The following SLAMF6 variants were observed in gnomAD, a reference collection of about 807,000 sequenced individuals.
SLAMF6 encodes the protein NK-T-B-antigen.
SLAMF6 carries 21 observed loss-of-function variants against 38.3 expected under a neutral mutation model. The observed-to-expected ratio is 0.55, with a 90% CI of 0.39 to 0.79. The LOEUF is 0.79. Ranked by LOEUF, SLAMF6 falls within the 30% of genes least tolerant of loss-of-function variation. SLAMF6 has a pLI of 0.00. For synonymous variants in SLAMF6, 152 were observed against 146.3 expected, an observed-to-expected ratio of 1.04 and a Z score of -0.28; for missense variants, 341 against 385.3, an observed-to-expected ratio of 0.89 and a Z score of 0.96.
intron 1 of SLAMF6, among the ~76,000 whole-genome samples, chr1:160,509,438 G>A (rs566057772): frequency 4.6e-5 from 7 of 152,224 alleles, no homozygotes; most frequent in African/African-American, 1.4e-4. Context: ...CTCATTCATA[G>A]GTGGGAATTG....
intron 1 of SLAMF6, among the ~76,000 whole-genome samples, chr1:160,503,348 C>G (rs973237820): frequency 1.3e-5 from 2 of 151,996 alleles, no homozygotes; most frequent in African/African-American, 2.4e-5. Flanking sequence ...TTGACACGCA[C>G]CATTCATGGA....
intron 5 of SLAMF6, among the ~76,000 whole-genome samples, chr1:160,489,581 G>A (rs1318237833): frequency 6.6e-6 from 1 of 152,142 alleles, no homozygotes; most frequent in Non-Finnish European, 1.5e-5. Flanking sequence ...TGATTATTTT[G>A]GAGATGAGGA....
rs181732370 is a variant in SLAMF6 at position 160,486,902 on chromosome 1, G to C, written c.952-148C>G. ...AGGGCAGGATTAAATTTAAAAACAT[G>C]TAATTGAAAACTCAGTTATGCATGG... is the stretch of plus-strand genomic sequence containing the variant. On this transcript the variant is annotated intron_variant, in intron 7 of 7. Coordinates refer to ENST00000368057, the MANE Select transcript of SLAMF6 (RefSeq NM_001184714.2). 2.4e-4 allele frequency: 250 copies of C among 1,028,898 alleles called. 1 individual carries two copies. The African/African-American group carries it at 3.7e-3, about 15-fold the overall frequency. 63.7% of individuals were successfully genotyped at this position (1,028,898 alleles called of 1,614,324 possible).
At chr1:160,513,312 A>T (rs1275796179) in intron 1 of SLAMF6, among the ~76,000 whole-genome samples, 1 of 152,236 alleles carries the variant, frequency 6.6e-6, no homozygotes, top group Non-Finnish European at 1.5e-5. Context: ...ACAAGATTAG[A>T]GAAAAAGGAA....
At chr1:160,501,698 CT>C (rs11324483) in intron 1 of SLAMF6, among the ~76,000 whole-genome samples, 11,446 of 138,434 alleles carry the variant, frequency 0.083, 1,204 homozygotes, top group African/African-American at 0.27. Context: ...TAATGCCTTG[CT>C]TTTTTTTTTT....
chr1:160,486,437 G>A lies in SLAMF6; in HGVS notation c.*270C>T, dbSNP rs1652966384. 2 of 402,226 alleles carry A rather than the reference G, an allele frequency of 5.0e-6. No homozygotes were observed. The highest frequency in any genetic ancestry group is 4.0e-5 in the Admixed American group (1 of 24,786). 24.9% of individuals were successfully genotyped at this position (402,226 alleles called of 1,614,324 possible). A position where few individuals can be genotyped will look rare whatever the true frequency, so the allele number is the denominator to read the frequency against. On this transcript the variant is annotated 3_prime_UTR_variant, in exon 8 of 8. Transcript: ENST00000368057. ...CATTTGCTTAGTTATCAAAGAGAGA[G>A]TCAATGTGCTGGTGTGTTATCTTTA... is the stretch of plus-strand genomic sequence containing the variant.
intron 1 of SLAMF6, among the ~76,000 whole-genome samples, chr1:160,519,645 C>T (rs994274734): frequency 6.6e-6 from 1 of 152,112 alleles, no homozygotes; most frequent in Non-Finnish European, 1.5e-5. Flanking sequence ...CATGGTTCAG[C>T]ATAGGTGAAC....
chr1:160,486,910 A>T, intron 7 of SLAMF6, 156 bp from the exon 8 acceptor site: 1 of 465,232 alleles, frequency 2.1e-6, no homozygotes, highest in South Asian at 9.3e-5. Context: ...ATGTAATTGA[A>T]AACTCAGTTA....
intron 4 of SLAMF6, 73 bp downstream of exon 4, chr1:160,490,502 G>A (rs1653227254): frequency 5.7e-6 from 9 of 1,565,286 alleles, no homozygotes; most frequent in Non-Finnish European, 7.8e-6. Flanking sequence ...AGAGATCCTT[G>A]GGAATCAGAG....
chr1:160,501,396 A>T (rs1460498953), intron 1 of SLAMF6, among the ~76,000 whole-genome samples: 1 of 152,170 alleles, frequency 6.6e-6, no homozygotes, highest in African/African-American at 2.4e-5. Flanking sequence ...AATTGCAAGC[A>T]GTTCTTTCTC....
In SLAMF6 at chr1:160,506,767, G is replaced by A. The variant is rs78875909; in HGVS notation, c.50-10374C>T. On this transcript the variant is annotated intron_variant, in intron 1 of 7. Transcript: ENST00000368057. ...AGTTTGTTACAACAACGTAAAGGCA[G>A]CAGAATGAAACAACATTGGAGCACA... Among the ~76,000 whole-genome samples the A allele has an allele frequency of 2.4e-3, 361 of 152,278 alleles. 5 individuals carry two copies. The East Asian group carries it at 0.037, about 16-fold the overall frequency.
In SLAMF6 at chr1:160,491,167, T is replaced by G; in HGVS notation, c.604A>C (p.Ser202Arg). Reference protein sequence around the residue: ...DYTCIAENAVSNLSFSVSAQK... With the variant: ...DYTCIAENAVRNLSFSVSAQK... Reference sequence around the variant, plus strand: ...GCAGAGACAGAGAAGGATAAATTACTGACAGCATTCTCTGCTATGCAGGTG... The same window carrying G: ...GCAGAGACAGAGAAGGATAAATTACGGACAGCATTCTCTGCTATGCAGGTG... Residue 202 changes from serine (S) to arginine (R), a missense_variant, in exon 3 of 8, where the codon AGT becomes CGT. Ser to Arg is a moderately radical substitution (Grantham distance 110). Transcript: ENST00000368057. 1 of 1,614,050 alleles carries G rather than the reference T, an allele frequency of 6.2e-7. No homozygotes were observed. Among genetic ancestry groups the G allele is most frequent in the Non-Finnish European group, 8.5e-7 (1 of 1,179,966 alleles).
intron 6 of SLAMF6, among the ~76,000 whole-genome samples, chr1:160,488,008 T>G (rs1358946865): frequency 6.6e-6 from 1 of 150,684 alleles, no homozygotes; most frequent in Non-Finnish European, 1.5e-5. Flanking sequence ...AAGGATCACC[T>G]GAGCATGAGG....
intron 1 of SLAMF6, among the ~76,000 whole-genome samples, chr1:160,506,395 C>T (rs1446151772): frequency 1.3e-5 from 2 of 152,068 alleles, no homozygotes; most frequent in Non-Finnish European, 2.9e-5. Context: ...AAAAAACACC[C>T]ATCAACCAAG....
At chr1:160,516,864 A>C (rs79554622) in intron 1 of SLAMF6, among the ~76,000 whole-genome samples, 1 of 152,192 alleles carries the variant, frequency 6.6e-6, no homozygotes, top group Non-Finnish European at 1.5e-5. Context: ...TTAACTCAAG[A>C]TAGATTAAAG....
chr1:160,487,026 AT>A, intron 7 of SLAMF6, 77 bp downstream of exon 7: 1 of 1,332,626 alleles, frequency 7.5e-7, no homozygotes, highest in Non-Finnish European at 1.1e-6. Context: ...TGACCCTTTT[AT>A]TTTTACTTTA....
intron 1 of SLAMF6, among the ~76,000 whole-genome samples, chr1:160,501,836 T>C (rs1160199552): frequency 2.0e-5 from 3 of 151,906 alleles, no homozygotes; most frequent in Non-Finnish European, 4.4e-5. Flanking sequence ...GGGTTTTGCA[T>C]TGGTACATGG....
At chr1:160,494,841 C>T (rs1382098853) in intron 2 of SLAMF6, among the ~76,000 whole-genome samples, 1 of 152,142 alleles carries the variant, frequency 6.6e-6, no homozygotes, top group Non-Finnish European at 1.5e-5. Context: ...GACTTCTGGC[C>T]TCCAGAACTG....
At chr1:160,497,592 T>C (rs1289129892) in intron 1 of SLAMF6, among the ~76,000 whole-genome samples, 1 of 152,176 alleles carries the variant, frequency 6.6e-6, no homozygotes, top group Non-Finnish European at 1.5e-5. Flanking sequence ...ATAGTGGACA[T>C]AATAACTAAT....
Sources: gnomAD v4.1 joint callset for allele counts (sites outside exome capture counted in the v4.1 genomes callset) on GRCh38, gnomAD v4.1.1 for gene constraint, MANE v1.5 for transcripts, NCBI Gene and HGNC (gene_info 2026-07-23, HGNC 2026-07-21) for gene names.